NCOA2: variants seen among roughly 807,000 people sequenced by gnomAD.
The protein encoded by NCOA2 is nuclear receptor coactivator 2.
Under a neutral mutation model 145.1 loss-of-function variants are expected in NCOA2, and 21 were observed. That is an observed-to-expected ratio of 0.14 (90% CI 0.10 to 0.21). The LOEUF is 0.21. NCOA2 is among the 10% of genes least tolerant of loss of function. NCOA2 has a pLI of 1.00. For synonymous variants in NCOA2, 619 were observed against 637.5 expected (o/e 0.97, Z 0.44); for missense variants, 1,472 against 1,837.6 (o/e 0.80, Z 3.64).
chr8:70,273,508 A>C, intron 2 of NCOA2: 1 of 674,466 alleles, frequency 1.5e-6, no homozygotes, highest in Non-Finnish European at 2.6e-6. Flanking sequence ...AGTTCTCCTT[A>C]AAGAAGTTAG....
At chr8:70,202,736 T>C (rs1238434517) in intron 4 of NCOA2, among the ~76,000 whole-genome samples, 3 of 152,194 alleles carry the variant, frequency 2.0e-5, no homozygotes, top group Non-Finnish European at 2.9e-5. Flanking sequence ...TCATGCAAGA[T>C]GAAATTCTAG....
rs772914062 is a variant in NCOA2 at position 70,141,321 on chromosome 8, G to A, written c.2891C>T (p.Thr964Ile). 1 of 1,613,956 alleles carries A rather than the reference G, an allele frequency of 6.2e-7. No individual in the cohort carries two copies. Among genetic ancestry groups the A allele is most frequent in the Non-Finnish European group, 8.5e-7 (1 of 1,179,886 alleles). ...CATGGCACTGGTGGTAGCAGCACAG[G>A]TGACTCTCACAGCCGAACTCTGCGG... ...WAPQSSAVRV[T>I]CAATTSAMNR... Residue 964 changes from threonine (T) to isoleucine (I), a missense_variant, in exon 14 of 23, where the codon ACC (threonine) becomes ATC (isoleucine). Thr to Ile is a moderately conservative substitution (Grantham distance 89). Around this residue, in one of 4 missense-constraint regions of NCOA2, gnomAD observed 953 missense variants for 1,062.1 expected, o/e 0.90. Coordinates refer to ENST00000452400, the MANE Select transcript of NCOA2 (RefSeq NM_006540.4).
chr8:70,352,127 T>A (rs976025991), intron 1 of NCOA2, among the ~76,000 whole-genome samples: 2 of 152,202 alleles, frequency 1.3e-5, no homozygotes, highest in African/African-American at 4.8e-5. Context: ...TTAAAATATA[T>A]ACTAGTATTC....
chr8:70,235,270 A>C (rs946058371), intron 2 of NCOA2, among the ~76,000 whole-genome samples: 8 of 152,164 alleles, frequency 5.3e-5, no homozygotes, highest in Non-Finnish European at 1.5e-5. Context: ...AGAGGAACAT[A>C]GATTATCAGG....
intron 1 of NCOA2, among the ~76,000 whole-genome samples, chr8:70,356,701 C>T (rs1010635879): frequency 6.6e-6 from 1 of 152,164 alleles, no homozygotes; most frequent in African/African-American, 2.4e-5. Context: ...AGACTGATGA[C>T]GTAAAAACCA....
upstream of NCOA2, among the ~76,000 whole-genome samples, chr8:70,405,443 T>TTTG (rs1814732948): frequency 8.6e-6 from 1 of 116,854 alleles, no homozygotes; most frequent in Non-Finnish European, 1.7e-5. Flanking sequence ...AAAGGTTTTT[T>TTTG]TTTTTTTTTT....
chr8:70,171,883 G>A (rs543097037), intron 5 of NCOA2, among the ~76,000 whole-genome samples: 1 of 152,148 alleles, frequency 6.6e-6, no homozygotes, highest in Non-Finnish European at 1.5e-5. Context: ...GGGTGCAATG[G>A]CATGATCATG....
intron 2 of NCOA2, among the ~76,000 whole-genome samples, chr8:70,252,588 CT>C (rs1823288430): frequency 6.6e-6 from 1 of 152,130 alleles, no homozygotes; most frequent in South Asian, 2.1e-4. Context: ...TATGTATTAA[CT>C]TTTCCCAAAT....
intron 1 of NCOA2, among the ~76,000 whole-genome samples, chr8:70,301,875 G>T (rs562992167): frequency 6.6e-6 from 1 of 152,062 alleles, no homozygotes; most frequent in South Asian, 2.1e-4. Context: ...AAAAGAGAAC[G>T]CACAGGGAAC....
At chr8:70,274,950 G>A (rs543015837) in intron 2 of NCOA2, among the ~76,000 whole-genome samples, 19 of 152,212 alleles carry the variant, frequency 1.2e-4, no homozygotes, top group South Asian at 4.1e-4. Context: ...TTAAGATTTC[G>A]GCTAGAGAAG....
chr8:70,216,798 A>G, intron 2 of NCOA2, 34 bp from the exon 3 acceptor site: 1 of 1,329,336 alleles, frequency 7.5e-7, no homozygotes, highest in Non-Finnish European at 1.1e-6. Flanking sequence ...GAAGAAAAAA[A>G]TGAAGAGAGC....
At chr8:70,377,659 T>TA (rs1478161152) in intron 1 of NCOA2, among the ~76,000 whole-genome samples, 1 of 152,150 alleles carries the variant, frequency 6.6e-6, no homozygotes, top group Non-Finnish European at 1.5e-5. Flanking sequence ...GGCATTGAAT[T>TA]AAAAAGAATG....
chr8:70,263,372 T>C (rs1276320252), intron 2 of NCOA2, among the ~76,000 whole-genome samples: 1 of 151,676 alleles, frequency 6.6e-6, no homozygotes, highest in African/African-American at 2.4e-5. Flanking sequence ...TGCAATAAAT[T>C]TGGGCCACAG....
At chr8:70,320,948 G>A (rs558317296) in intron 1 of NCOA2, among the ~76,000 whole-genome samples, 3 of 152,168 alleles carry the variant, frequency 2.0e-5, no homozygotes, top group East Asian at 1.9e-4. Flanking sequence ...TTTGCCTTTT[G>A]AAATCCTTTT....
At chr8:70,343,165 A>T (rs1226445581) in intron 1 of NCOA2, among the ~76,000 whole-genome samples, 1 of 152,222 alleles carries the variant, frequency 6.6e-6, no homozygotes, top group African/African-American at 2.4e-5. Flanking sequence ...CAAAGTCAAT[A>T]GTAGAACTGA....
the NCOA2 span, among the ~76,000 whole-genome samples, chr8:70,448,989 A>G: frequency 6.6e-6 from 1 of 152,098 alleles, no homozygotes; most frequent in Non-Finnish European, 1.5e-5. Flanking sequence ...AAATTTTTTT[A>G]GAGATGGGGT....
At chr8:70,258,691 T>A (rs1311854508) in intron 2 of NCOA2, among the ~76,000 whole-genome samples, 2 of 152,150 alleles carry the variant, frequency 1.3e-5, no homozygotes, top group South Asian at 4.1e-4. Context: ...CACCAATAAC[T>A]TCTTCTCATG....
intron 1 of NCOA2, among the ~76,000 whole-genome samples, chr8:70,384,882 G>A (rs888718289): frequency 2.0e-5 from 3 of 152,162 alleles, no homozygotes; most frequent in African/African-American, 7.2e-5. Context: ...CCCATCCATT[G>A]AGAACCATTG....
the NCOA2 span, among the ~76,000 whole-genome samples, chr8:70,428,966 A>G: frequency 1.3e-5 from 2 of 152,322 alleles, no homozygotes; most frequent in South Asian, 4.1e-4. Flanking sequence ...ATCTCATATA[A>G]GAAGAAGGAA....
Sources: gnomAD v4.1 joint callset for allele counts (sites outside exome capture counted in the v4.1 genomes callset) on GRCh38, gnomAD v4.1.1 for gene constraint, gnomAD v4.1.1 regional missense constraint, MANE v1.5 for transcripts, NCBI Gene and HGNC (gene_info 2026-07-23, HGNC 2026-07-21) for gene names.